The following KLF12 variants were observed in gnomAD, a reference collection of about 807,000 sequenced individuals.
The protein encoded by KLF12 is Krueppel-like factor 12.
In KLF12, 9 loss-of-function variants were observed where a neutral mutation model predicts 37.8. The observed-to-expected ratio is 0.24, with a 90% CI of 0.14 to 0.42. The LOEUF is 0.42. KLF12 is among the 10% of genes least tolerant of loss of function. KLF12 has a pLI of 1.00. For missense variants in KLF12, 411 were observed against 516.0 expected (o/e 0.80, Z 1.97); for synonymous variants, 208 against 202.1 (o/e 1.03, Z -0.25).
intron 3 of KLF12, among the ~76,000 whole-genome samples, chr13:73,903,910 C>T (rs1333892518): frequency 6.6e-6 from 1 of 152,136 alleles, no homozygotes; most frequent in Non-Finnish European, 1.5e-5. Context: ...GGAATAGTTT[C>T]ATCCTGAAAC....
intron 3 of KLF12, among the ~76,000 whole-genome samples, chr13:73,935,678 C>T (rs116487728): frequency 8.5e-5 from 13 of 152,114 alleles, no homozygotes; most frequent in African/African-American, 2.7e-4. Flanking sequence ...CTCAGGCTGG[C>T]GTGCAGTGAT....
At chr13:73,790,480 T>C (rs776809502) in intron 5 of KLF12, among the ~76,000 whole-genome samples, 1 of 152,268 alleles carries the variant, frequency 6.6e-6, no homozygotes, top group Non-Finnish European at 1.5e-5. Context: ...GTGATCCTTC[T>C]ATTATCAAGT....
At chr13:73,884,543 G>A (rs1316157444) in intron 3 of KLF12, among the ~76,000 whole-genome samples, 1 of 152,216 alleles carries the variant, frequency 6.6e-6, no homozygotes, top group African/African-American at 2.4e-5. Flanking sequence ...ACAGAATGAG[G>A]AGTCTGTCAG....
chr13:74,180,618 T>A, the KLF12 span, among the ~76,000 whole-genome samples: 1 of 152,348 alleles, frequency 6.6e-6, no homozygotes, highest in Non-Finnish European at 1.5e-5. Context: ...GAAATCTTGA[T>A]GGATAGAGGC....
chr13:74,073,137 C>T (rs1239160612), intron 1 of KLF12, among the ~76,000 whole-genome samples: 1 of 152,142 alleles, frequency 6.6e-6, no homozygotes, highest in Non-Finnish European at 1.5e-5. Context: ...TGAGGCCGCC[C>T]GAGCCATGTA....
chr13:73,887,587 C>T (rs1471642823), intron 3 of KLF12, among the ~76,000 whole-genome samples: 1 of 152,184 alleles, frequency 6.6e-6, no homozygotes, highest in African/African-American at 2.4e-5. Flanking sequence ...CATGCTTCTA[C>T]CATGAGCCAA....
chr13:74,000,544 G>A lies in KLF12; in HGVS notation c.-31-5491C>T, dbSNP rs774985590. On this transcript the variant is annotated intron_variant, in intron 1 of 7. Transcript: ENST00000377669. ...CAGTTTTATGTTTCCTTGAAATTAC[G>A]CTTCCACCCAAGGATTCTTCACTAC... Among the ~76,000 whole-genome samples the A allele has an allele frequency of 2.6e-5, 4 of 152,040 alleles. No homozygotes were observed. The East Asian group carries it at 5.8e-4, about 22-fold the overall frequency.
chr13:73,744,179 G>C (rs578122044), intron 6 of KLF12, among the ~76,000 whole-genome samples: 1 of 152,294 alleles, frequency 6.6e-6, no homozygotes, highest in South Asian at 2.1e-4. Flanking sequence ...ATTCAAGTCT[G>C]ACTTTGGGTA....
At chr13:74,215,253 T>C in the KLF12 span, among the ~76,000 whole-genome samples, 2 of 152,032 alleles carry the variant, frequency 1.3e-5, no homozygotes, top group African/African-American at 4.8e-5. Context: ...TTATGTTTTC[T>C]GATAGAATTT....
intron 7 of KLF12, among the ~76,000 whole-genome samples, chr13:73,698,194 A>AG (rs1260636387): frequency 6.8e-6 from 1 of 147,668 alleles, no homozygotes; most frequent in Non-Finnish European, 1.5e-5. Context: ...GGAAAGGGGG[A>AG]GGGGAAAGGG....
At chr13:74,123,251 T>G (rs776252886) in intron 1 of KLF12, among the ~76,000 whole-genome samples, 1 of 152,166 alleles carries the variant, frequency 6.6e-6, no homozygotes, top group Admixed American at 6.5e-5. Flanking sequence ...TAAAAAAATG[T>G]GCAAAAAGTT....
the KLF12 span, among the ~76,000 whole-genome samples, chr13:74,153,913 A>G: frequency 1.3e-4 from 20 of 151,768 alleles, no homozygotes; most frequent in Admixed American, 4.6e-4. Flanking sequence ...TTGGATATGA[A>G]CCCCCCACCG....
rs149344180 is a variant in KLF12, at chr13:73,806,400, T to C, written c.806+6752A>G. ...ACAGGCGTGAGCCACCGTGCCCAAC[T>C]TTTCTTCTTTTTTTGAGGAGAGGTC... On this transcript the variant is annotated intron_variant, in intron 5 of 7. Coordinates refer to ENST00000377669, the MANE Select transcript of KLF12 (RefSeq NM_007249.5). 1.2e-3 allele frequency among the ~76,000 whole-genome samples: 178 copies of C among 152,096 alleles called. 1 individual carries two copies. Among genetic ancestry groups the C allele is most frequent in the African/African-American group, 4.1e-3 (172 of 41,522 alleles).
chr13:74,170,984 C>T, the KLF12 span, among the ~76,000 whole-genome samples: 7 of 152,074 alleles, frequency 4.6e-5, no homozygotes, highest in Non-Finnish European at 8.8e-5. Context: ...AGGCTGGTCT[C>T]GAACTCCTGA....
At chr13:74,297,923 G>T in the KLF12 span, among the ~76,000 whole-genome samples, 1 of 152,252 alleles carries the variant, frequency 6.6e-6, no homozygotes, top group South Asian at 2.1e-4. Flanking sequence ...GAAAATGGGA[G>T]AATTTATATT....
chr13:74,286,168 CTCTT>C, the KLF12 span, among the ~76,000 whole-genome samples: 26 of 152,248 alleles, frequency 1.7e-4, no homozygotes, highest in Non-Finnish European at 3.1e-4. Context: ...TTTTTTCTCT[CTCTT>C]TCTCTTCTGT....
At chr13:73,721,047 AATG>A (rs1876203705) in intron 6 of KLF12, among the ~76,000 whole-genome samples, 1 of 152,230 alleles carries the variant, frequency 6.6e-6, no homozygotes, top group Non-Finnish European at 1.5e-5. Flanking sequence ...TGAGGATAAC[AATG>A]ATATTTACAG....
intron 1 of KLF12, among the ~76,000 whole-genome samples, chr13:74,048,693 G>T (rs1041660072): frequency 2.0e-5 from 3 of 152,090 alleles, no homozygotes; most frequent in African/African-American, 7.2e-5. Flanking sequence ...ATAACTGACA[G>T]AAAGGGAAAC....
chr13:74,004,077 A>C (rs1892351791), intron 1 of KLF12, among the ~76,000 whole-genome samples: 1 of 152,164 alleles, frequency 6.6e-6, no homozygotes, highest in Non-Finnish European at 1.5e-5. Context: ...ATTTTAATTT[A>C]AATATAGTAT....
Sources: allele counts gnomAD v4.1 joint callset (sites outside exome capture counted in the v4.1 genomes callset), GRCh38; gene constraint gnomAD v4.1.1; transcripts MANE v1.5; gene names NCBI Gene and HGNC (gene_info 2026-07-23, HGNC 2026-07-21).